COL4A6: variants seen among roughly 807,000 people sequenced by gnomAD.
COL4A6 encodes collagen alpha-6(IV) chain.
A neutral mutation model predicts 126.7 loss-of-function variants in COL4A6; 59 were observed. The ratio of observed to expected loss-of-function variants is 0.47; its 90% CI spans 0.38 to 0.58. The LOEUF is 0.58. COL4A6 is among the 20% of genes least tolerant of loss of function. The probability of loss-of-function intolerance (pLI) is 0.00; values close to 1 mark genes in which losing one functional copy is unlikely to be tolerated. For missense variants in COL4A6, 1,285 were observed against 1,337.3 expected, an observed-to-expected ratio of 0.96 and a Z score of 0.61; for synonymous variants, 547 against 496.6, an observed-to-expected ratio of 1.10 and a Z score of -1.35.
At chrX:108,280,562 G>A (rs1244833072) in intron 3 of COL4A6, among the ~76,000 whole-genome samples, 8 of 111,530 alleles carry the variant, frequency 7.2e-5, no homozygotes, top group Admixed American at 6.7e-4. Context: ...TTCTACCAGA[G>A]GTACAAGGAG....
At chrX:108,335,878 T>A (rs1035558869) in intron 2 of COL4A6, among the ~76,000 whole-genome samples, 1 of 110,988 alleles carries the variant, frequency 9.0e-6, no homozygotes, top group Non-Finnish European at 1.9e-5. Context: ...TTAATATGTG[T>A]CAGGCACTGT....
intron 2 of COL4A6, among the ~76,000 whole-genome samples, chrX:108,315,861 G>A (rs916259012): frequency 2.7e-5 from 3 of 111,988 alleles, no homozygotes; most frequent in Admixed American, 9.5e-5. Flanking sequence ...CATGTCTTAT[G>A]CTTCTCTGCA....
At chrX:108,314,488 A>G (rs2038835965) in intron 2 of COL4A6, among the ~76,000 whole-genome samples, 1 of 112,031 alleles carries the variant, frequency 8.9e-6, no homozygotes, top group African/African-American at 3.2e-5. Context: ...TAAGTGTCTC[A>G]TGTTGTTATG....
At chrX:108,201,573 T>C (rs1163972056) in intron 13 of COL4A6, among the ~76,000 whole-genome samples, 1 of 112,161 alleles carries the variant, frequency 8.9e-6, no homozygotes, top group Admixed American at 9.5e-5. Flanking sequence ...TGAAATGATA[T>C]GATTTGCTTC....
At chrX:108,203,240 T>C (rs969881604) in intron 12 of COL4A6, among the ~76,000 whole-genome samples, 1 of 112,047 alleles carries the variant, frequency 8.9e-6, no homozygotes, top group Non-Finnish European at 1.9e-5. Flanking sequence ...CTGAGGCTAA[T>C]TGGGAGACAG....
chrX:108,355,865 G>A lies in COL4A6; in HGVS notation c.64-45037C>T, dbSNP rs1223140535. Among the ~76,000 whole-genome samples the A allele has an allele frequency of 4.5e-5, 5 of 111,835 alleles. 1 individual carries two copies. The highest frequency in any genetic ancestry group is 2.8e-4 in the Admixed American group (3 of 10,574). Reference sequence around the variant, plus strand: ...GATAAGCACTTTTCAGATGCTTTACGTAGTGAAGTTATTTAATTCTCATTA... The same window carrying A: ...GATAAGCACTTTTCAGATGCTTTACATAGTGAAGTTATTTAATTCTCATTA... On this transcript the variant is annotated intron_variant, in intron 2 of 44. Transcript: ENST00000334504.
At chrX:108,400,657 T>C (rs190006714) in intron 2 of COL4A6, among the ~76,000 whole-genome samples, 2 of 111,580 alleles carry the variant, frequency 1.8e-5, no homozygotes, top group East Asian at 5.6e-4. Flanking sequence ...CTTCTGTTTT[T>C]TGAAAAAGGC....
chrX:108,195,275 CTTTTT>C, intron 14 of COL4A6, 149 bp from the exon 15 acceptor site: 1 of 285,378 alleles, frequency 3.5e-6, no homozygotes, highest in Admixed American at 5.5e-5. Context: ...AGCTTAACGA[CTTTTT>C]TTTTTTTTTG....
chrX:108,265,370 T>C (rs771086020), intron 3 of COL4A6, among the ~76,000 whole-genome samples: 5 of 85,715 alleles, frequency 5.8e-5, no homozygotes, highest in African/African-American at 2.0e-4. Flanking sequence ...TATTAATTCA[T>C]TGATTCATTC....
At chrX:108,213,446 C>A (rs1260630796) in intron 6 of COL4A6, among the ~76,000 whole-genome samples, 1 of 112,124 alleles carries the variant, frequency 8.9e-6, no homozygotes, top group African/African-American at 3.2e-5. Flanking sequence ...AGTGGTGACA[C>A]TGGAATCCAA....
chrX:108,158,277 G>A (rs914557169), intron 44 of COL4A6, among the ~76,000 whole-genome samples: 3 of 113,038 alleles, frequency 2.7e-5, no homozygotes, highest in African/African-American at 9.6e-5. Context: ...GGTACGGCCC[G>A]TAGAATCCTT....
intron 2 of COL4A6, among the ~76,000 whole-genome samples, chrX:108,369,382 A>AG (rs1448866507): frequency 9.8e-5 from 11 of 111,824 alleles, no homozygotes; most frequent in African/African-American, 3.6e-4. Context: ...AAACCTGGAC[A>AG]GTTCAACCTA....
chrX:108,394,592 C>T (rs1034092288), intron 2 of COL4A6, among the ~76,000 whole-genome samples: 5 of 111,585 alleles, frequency 4.5e-5, no homozygotes, highest in African/African-American at 1.6e-4. Context: ...TCCACTAAAG[C>T]TGTTAGTTCC....
chrX:108,323,976 G>A (rs2039090903), intron 2 of COL4A6, among the ~76,000 whole-genome samples: 1 of 112,512 alleles, frequency 8.9e-6, no homozygotes, highest in Non-Finnish European at 1.9e-5. Context: ...TAGACCTTAA[G>A]TATACAGTGA....
At chrX:108,192,813 T>G (rs1356496044) in intron 17 of COL4A6, among the ~76,000 whole-genome samples, 1 of 112,817 alleles carries the variant, frequency 8.9e-6, no homozygotes, top group Non-Finnish European at 1.9e-5. Flanking sequence ...CTGCCTTTCA[T>G]GATAAGCTCT....
chrX:108,188,114 A>C (rs2034928520), intron 21 of COL4A6, 87 bp from the exon 22 acceptor site: 1 of 764,523 alleles, frequency 1.3e-6, no homozygotes, highest in Non-Finnish European at 1.9e-6. Context: ...TTAGAGCAGA[A>C]CCTTGGGTAC....
intron 2 of COL4A6, among the ~76,000 whole-genome samples, chrX:108,432,098 A>G (rs2064183122): frequency 1.8e-5 from 2 of 112,381 alleles, no homozygotes; most frequent in South Asian, 7.4e-4. Context: ...TTGTCAAAAG[A>G]CTTTTGTTGT....
chrX:108,162,166 A>C (rs1199929357), intron 41 of COL4A6, among the ~76,000 whole-genome samples: 1 of 111,321 alleles, frequency 9.0e-6, no homozygotes, highest in Non-Finnish European at 1.9e-5. Context: ...CCTGGCCAAC[A>C]TGGGGAAACC....
chrX:108,174,962 C>T, intron 30 of COL4A6, 128 bp downstream of exon 30: 1 of 907,422 alleles, frequency 1.1e-6, no homozygotes. Context: ...TCCTTGCTGC[C>T]AGCCACACTG....
Sources: gnomAD v4.1 joint callset for allele counts (sites outside exome capture counted in the v4.1 genomes callset) on GRCh38, gnomAD v4.1.1 for gene constraint, MANE v1.5 for transcripts, NCBI Gene and HGNC (gene_info 2026-07-23, HGNC 2026-07-21) for gene names.